Variants in PPIP5K1 observed in about 807,000 individuals in gnomAD.
PPIP5K1 encodes the protein inositol hexakisphosphate and diphosphoinositol-pentakisphosphate kinase 1.
PPIP5K1 carries 6 observed loss-of-function variants against 27.7 expected under a neutral mutation model. The observed-to-expected ratio is 0.22, with a 90% CI of 0.12 to 0.43. The LOEUF (loss-of-function observed/expected upper bound fraction) is 0.43, where lower values mean the gene tolerates loss of function less well. Ranked by LOEUF, PPIP5K1 falls within the 20% of genes least tolerant of loss-of-function variation. The probability of loss-of-function intolerance (pLI) is 1.00; values close to 1 mark genes in which losing one functional copy is unlikely to be tolerated. For synonymous variants in PPIP5K1, 145 were observed against 242.6 expected, an observed-to-expected ratio of 0.60 and a Z score of 3.74; for missense variants, 394 against 635.4, an observed-to-expected ratio of 0.62 and a Z score of 4.08.
At chr15:43,553,263 T>A (rs1460177098) in intron 30 of PPIP5K1, among the ~76,000 whole-genome samples, 1 of 152,216 alleles carries the variant, frequency 6.6e-6, no homozygotes, top group South Asian at 2.1e-4. Context: ...TCTGCAGTTG[T>A]TGGATGGAAT....
intron 31 of PPIP5K1, among the ~76,000 whole-genome samples, chr15:43,537,010 T>G (rs1431328374): frequency 6.6e-6 from 1 of 152,046 alleles, no homozygotes; most frequent in Non-Finnish European, 1.5e-5. Context: ...ATCATTGAGT[T>G]GAAGGTATGC....
intron 30 of PPIP5K1, among the ~76,000 whole-genome samples, chr15:43,544,131 C>T (rs1017376673): frequency 5.9e-5 from 9 of 152,078 alleles, no homozygotes; most frequent in African/African-American, 2.2e-4. Context: ...AACTGCATTT[C>T]CTTCATGCCC....
intron 30 of PPIP5K1, among the ~76,000 whole-genome samples, chr15:43,558,590 C>T (rs892100081): frequency 6.6e-6 from 1 of 152,110 alleles, no homozygotes; most frequent in Non-Finnish European, 1.5e-5. Flanking sequence ...CTCCTGACCT[C>T]AGGTGATCCA....
chr15:43,536,721 T>A (rs1043764457), intron 31 of PPIP5K1, among the ~76,000 whole-genome samples: 39 of 152,254 alleles, frequency 2.6e-4, no homozygotes, highest in African/African-American at 8.9e-4. Context: ...AAAAACTGAT[T>A]TCCTACATCC....
chr15:43,581,209 C>T lies in PPIP5K1; in HGVS notation c.939+18G>A. On this transcript the variant is annotated intron_variant, in intron 9 of 31. Coordinates refer to ENST00000420765, the MANE Select transcript of PPIP5K1 (RefSeq NM_001394395.1). ...TCCTTTCTCCTTCATTTCACAACCT[C>T]CCTGGGCCCTCCTCTACCTTGAAAG... 1 of 1,574,070 alleles carries T rather than the reference C, an allele frequency of 6.4e-7. No individual in the cohort carries two copies. The highest frequency in any genetic ancestry group is 8.6e-7 in the Non-Finnish European group (1 of 1,168,684).
Position 43,535,300 on chromosome 15 carries a change from A to C in PPIP5K1, c.3847T>G (p.Ser1283Ala), listed in dbSNP as rs1595671370. The change falls in exon 32 of 32, where the codon TCC becomes GCC. Residue 1283 changes from serine to alanine, a missense_variant. By Grantham distance (99) the Ser-to-Ala change is moderately conservative (BLOSUM62 1). Around this residue, in one of 4 missense-constraint regions of PPIP5K1, gnomAD observed 379 missense variants for 423.9 expected, o/e 0.89. Coordinates refer to ENST00000420765, the MANE Select transcript of PPIP5K1 (RefSeq NM_001394395.1). ...ETPGSGAQEL[S>A]IEGEQELFEP... ...AAAAGCTCTTGCTCCCCTTCTATGG[A>C]GAGCTCTTGTGCTCCACTCCCAGGG... 3 of 1,614,122 alleles carry C rather than the reference A, an allele frequency of 1.9e-6. No homozygotes were observed. In the East Asian group the frequency reaches 6.7e-5, roughly 36 times the overall value.
At chr15:43,539,084 G>T (rs189925646) in intron 31 of PPIP5K1, among the ~76,000 whole-genome samples, 1 of 152,120 alleles carries the variant, frequency 6.6e-6, no homozygotes, top group African/African-American at 2.4e-5. Flanking sequence ...GGTGGTGCAT[G>T]CCTGTAATCC....
Position 43,539,504 on chromosome 15 carries a change from C to T in PPIP5K1, c.3636G>A (p.Leu1212=). The change falls in exon 31 of 32, where the codon CTG becomes CTA. Residue 1212 remains leucine, a synonymous_variant. Transcript: ENST00000420765. Reference sequence around the variant, plus strand: ...GCTTCTCAGAGCGCTGCTGGAGTTGCAGGGGAGGTGAATGAAGAGTACGTG... The same window carrying T: ...GCTTCTCAGAGCGCTGCTGGAGTTGTAGGGGAGGTGAATGAAGAGTACGTG... ...SPPRTLHSPP[L]QLQQRSEKPP... The T allele has an allele frequency of 6.2e-7, 1 of 1,607,618 alleles. No individual in the cohort carries two copies. Among genetic ancestry groups the T allele is most frequent in the Non-Finnish European group, 8.5e-7 (1 of 1,176,168 alleles).
At position 43,534,531 on chromosome 15, in the gene PPIP5K1, T is replaced by A; in HGVS notation, c.*143A>T. ...GTGATACCACTAATGAGAAAATTAA[T>A]CACATGTTGCTGGTGGAAGGGGTGA... On this transcript the variant is annotated 3_prime_UTR_variant, in exon 32 of 32. Coordinates refer to ENST00000420765, the MANE Select transcript of PPIP5K1 (RefSeq NM_001394395.1). The A allele has an allele frequency of 1.4e-6, 1 of 718,302 alleles. No homozygotes were observed. The highest frequency in any genetic ancestry group is 2.5e-5 in the South Asian group (1 of 40,628). The allele number at this position is 718,302 out of a possible 1,614,324, so 44.5% of individuals were successfully genotyped here.
Position 43,560,424 on chromosome 15 carries a change from T to C in PPIP5K1, c.3407A>G (p.Glu1136Gly). ...NWLRSGQDDPECLYGFEGCSM... is the reference protein window; with the variant it reads ...NWLRSGQDDPGCLYGFEGCSM... ...GTGGCAGGGGGTACCGTAGAGGCAC[T>C]CGGGGTCATCCTGGCCTGAGCGCAG... is the stretch of plus-strand genomic sequence containing the variant. Residue 1136 changes from glutamate (E) to glycine (G), a missense_variant, in exon 29 of 32, where the codon GAG becomes GGG. By Grantham distance (98) the Glu-to-Gly change is moderately conservative. This residue lies in a region of PPIP5K1 where 5 missense variants were observed against 20.3 expected (regional missense o/e 0.25). Coordinates refer to ENST00000420765, the MANE Select transcript of PPIP5K1 (RefSeq NM_001394395.1). 7.7e-7 allele frequency: 1 copy of C among 1,302,164 alleles called. No individual in the cohort carries two copies. Among genetic ancestry groups the C allele is most frequent in the Non-Finnish European group, 1.0e-6 (1 of 988,632 alleles). 80.7% of individuals were successfully genotyped at this position (1,302,164 alleles called of 1,614,324 possible).
At chr15:43,543,177 A>T (rs1282541190) in intron 30 of PPIP5K1, among the ~76,000 whole-genome samples, 1 of 148,856 alleles carries the variant, frequency 6.7e-6, no homozygotes, top group African/African-American at 2.5e-5. Flanking sequence ...TGGTCACAAT[A>T]CATAAACAGA....
chr15:43,545,958 G>A (rs1182741848), intron 30 of PPIP5K1, among the ~76,000 whole-genome samples: 2 of 151,538 alleles, frequency 1.3e-5, no homozygotes, highest in African/African-American at 4.9e-5. Flanking sequence ...TGCCTATGGA[G>A]CAGCCATTCT....
chr15:43,537,706 AAGAG>A (rs1156583027), intron 31 of PPIP5K1, among the ~76,000 whole-genome samples: 4,493 of 126,306 alleles, frequency 0.036, 351 homozygotes, highest in South Asian at 0.046. Flanking sequence ...AAAAAAAAAA[AAGAG>A]AGAGAGAGAG....
In PPIP5K1 at chr15:43,534,990, A is replaced by C. The variant is rs908416566; in HGVS notation, c.4157T>G (p.Leu1386Arg). The C allele has an allele frequency of 1.5e-5, 24 of 1,610,850 alleles. No homozygotes were observed. Among genetic ancestry groups the C allele is most frequent in the Non-Finnish European group, 2.0e-5 (24 of 1,179,108 alleles). Residue 1386 changes from leucine to arginine, a missense_variant, in exon 32 of 32, where the codon CTG becomes CGG. By Grantham distance (102) the Leu-to-Arg change is moderately radical (BLOSUM62 -2). Around this residue, in one of 4 missense-constraint regions of PPIP5K1, gnomAD observed 379 missense variants for 423.9 expected, o/e 0.89. Coordinates refer to ENST00000420765, the MANE Select transcript of PPIP5K1 (RefSeq NM_001394395.1). ...CTGGCTGACCTCCTCGGAGTTCTCC[A>C]GACATAGCTGGCAAACTTCCTCAGA... ...KVSEEVCQLC[L>R]ENSEEVSQPC... is the part of the protein sequence containing the mutation.
At chr15:43,549,027 C>CAAAAA (rs1160828750) in intron 30 of PPIP5K1, among the ~76,000 whole-genome samples, 12 of 28,692 alleles carry the variant, frequency 4.2e-4, no homozygotes, top group East Asian at 1.1e-3. Flanking sequence ...GACTCCATCT[C>CAAAAA]AAAAAAAAAA....
At chr15:43,552,729 T>C (rs984681547) in intron 30 of PPIP5K1, among the ~76,000 whole-genome samples, 1 of 149,716 alleles carries the variant, frequency 6.7e-6, no homozygotes, top group East Asian at 2.0e-4. Flanking sequence ...AAGTATGTTG[T>C]TTCACCCACA....
intron 30 of PPIP5K1, among the ~76,000 whole-genome samples, chr15:43,546,614 C>A (rs2081396123): frequency 6.6e-6 from 1 of 150,478 alleles, no homozygotes; most frequent in African/African-American, 2.4e-5. Flanking sequence ...ATAGTGTTGC[C>A]ATGAACATCT....
chr15:43,534,946 C>CA lies in PPIP5K1; in HGVS notation c.4200dup (p.Val1401CysfsTer9). 1 of 1,614,202 alleles carries CA rather than the reference C, an allele frequency of 6.2e-7. No homozygotes were observed. Among genetic ancestry groups the CA allele is most frequent in the Non-Finnish European group, 8.5e-7 (1 of 1,180,038 alleles). Reference sequence around the variant, plus strand: ...TTATGGACCAGCTTGCCAACCTCCACAGAGACCCCCTGGCATGGCTGGCTG... The same window carrying CA: ...TTATGGACCAGCTTGCCAACCTCCACAAGAGACCCCCTGGCATGGCTGGCTG... On this transcript the variant is annotated frameshift_variant, in exon 32 of 32. Coordinates refer to ENST00000420765, the MANE Select transcript of PPIP5K1 (RefSeq NM_001394395.1). LOFTEE classifies it low-confidence loss of function (END_TRUNC).
chr15:43,535,426 T>A lies in PPIP5K1; in HGVS notation c.3721A>T (p.Thr1241Ser), dbSNP rs1460001095. ...AATTGGGAGTTACCATCTACTGTAG[T>A]AGGGGAAGAAGGACCAGCACTGGAC... ...TVSSAGPSSP[T>S]TVDGNSQFGF... is the part of the protein sequence containing the mutation. Residue 1241 changes from threonine to serine, a missense_variant, in exon 32 of 32, where the codon ACT becomes TCT. By Grantham distance (58) the Thr-to-Ser change is moderately conservative (BLOSUM62 1). Coordinates refer to ENST00000420765, the MANE Select transcript of PPIP5K1 (RefSeq NM_001394395.1). 5 of 1,611,624 alleles carry A rather than the reference T, an allele frequency of 3.1e-6. No individual in the cohort carries two copies. Among genetic ancestry groups the A allele is most frequent in the Non-Finnish European group, 4.2e-6 (5 of 1,178,820 alleles).
Sources: allele counts gnomAD v4.1 joint callset (sites outside exome capture counted in the v4.1 genomes callset), GRCh38; gene constraint gnomAD v4.1.1; regional missense constraint gnomAD v4.1.1; transcripts MANE v1.5; gene names NCBI Gene and HGNC (gene_info 2026-07-23, HGNC 2026-07-21).